Variants in ADGRE3 observed in about 807,000 individuals in gnomAD.
The protein encoded by ADGRE3 is adhesion G protein-coupled receptor E3.
In ADGRE3, 88 loss-of-function variants were observed where a neutral mutation model predicts 80.1. The observed-to-expected ratio is 1.10, with a 90% CI of 0.93 to 1.31. The LOEUF (loss-of-function observed/expected upper bound fraction) is 1.31. Ranked by LOEUF, ADGRE3 falls within the 40% of genes most tolerant of loss-of-function variation. ADGRE3 has a pLI of 0.00. For synonymous variants in ADGRE3, 281 were observed against 294.8 expected (o/e 0.95, Z 0.48); for missense variants, 715 against 776.5 (o/e 0.92, Z 0.94).
At chr19:14,668,692 C>T in intron 2 of ADGRE3, 110 bp downstream of exon 2, 1 of 769,502 alleles carries the variant, frequency 1.3e-6, no homozygotes, top group Non-Finnish European at 2.2e-6. Flanking sequence ...CAAGCCTTCC[C>T]AAATATTGCT....
At chr19:14,630,913 C>A (rs189822394) in intron 13 of ADGRE3, among the ~76,000 whole-genome samples, 2 of 151,076 alleles carry the variant, frequency 1.3e-5, no homozygotes, top group African/African-American at 2.4e-5. Context: ...TTTGTTGAGA[C>A]GGAGTCTCGC....
At position 14,638,334 on chromosome 19, in the gene ADGRE3, ACAG is replaced by A; in HGVS notation, c.1252_1254del (p.Leu418del). On this transcript the variant is annotated inframe_deletion, in exon 11 of 16. Transcript: ENST00000253673. The stretch of plus-strand genomic sequence containing the variant: ...TGCAAAGCACCGGCGATGATGGAGC[ACAG>A]CACCTGGGGGAGGAGAAAGGGATGC... The A allele has an allele frequency of 1.2e-6, 2 of 1,613,814 alleles. No homozygotes were observed. Among genetic ancestry groups the A allele is most frequent in the Non-Finnish European group, 1.7e-6 (2 of 1,179,702 alleles).
chr19:14,625,564 G>A lies in ADGRE3; in HGVS notation c.1848C>T (p.Ile616=), dbSNP rs147270469. 2.9e-5 allele frequency: 47 copies of A among 1,613,506 alleles called. No individual in the cohort carries two copies. Among genetic ancestry groups the A allele is most frequent in the Admixed American group, 2.2e-4 (13 of 59,978 alleles). The change falls in exon 15 of 16, where the codon ATC becomes ATT. Residue 616 remains isoleucine, a synonymous_variant. Coordinates refer to ENST00000253673, the MANE Select transcript of ADGRE3 (RefSeq NM_032571.5). The part of the protein sequence containing the change: ...QKQYQKWFRE[I]VKSKSESETY... ...TCTCAGACTCAGATTTTGATTTTAC[G>A]ATCTCTCTAAACCACTTTTGATATT...
chr19:14,602,659 T>C, the ADGRE3 span, among the ~76,000 whole-genome samples: 1 of 152,126 alleles, frequency 6.6e-6, no homozygotes, highest in Non-Finnish European at 1.5e-5. Flanking sequence ...AGGTCTATCA[T>C]CTTATTATTT....
At chr19:14,642,701 T>C (rs923500499) in intron 9 of ADGRE3, among the ~76,000 whole-genome samples, 2 of 152,342 alleles carry the variant, frequency 1.3e-5, no homozygotes, top group Admixed American at 6.5e-5. Context: ...GTTAGTTTGC[T>C]AAGGATAATG....
chr19:14,614,105 C>T, the ADGRE3 span, among the ~76,000 whole-genome samples: 2 of 152,182 alleles, frequency 1.3e-5, no homozygotes, highest in Non-Finnish European at 2.9e-5. Context: ...CTTCTCACCT[C>T]TGCCCACCTC....
Position 14,640,445 on chromosome 19 carries a change from A to G in ADGRE3, c.1248+974T>C, listed in dbSNP as rs147342884. 2.8e-4 allele frequency among the ~76,000 whole-genome samples: 43 copies of G among 152,188 alleles called. 1 individual carries two copies. The East Asian group carries it at 8.1e-3, about 29-fold the overall frequency. ...GCTGGGATTACAGGTGCTCATCACC[A>G]CGCTGGGCTAATATTTTGTATTTTT... is the stretch of plus-strand genomic sequence containing the variant. On this transcript the variant is annotated intron_variant, in intron 10 of 15. Coordinates refer to ENST00000253673, the MANE Select transcript of ADGRE3 (RefSeq NM_032571.5).
At chr19:14,620,072 C>G (rs1421423303) in intron 15 of ADGRE3, among the ~76,000 whole-genome samples, 2 of 152,254 alleles carry the variant, frequency 1.3e-5, no homozygotes, top group South Asian at 4.1e-4. Flanking sequence ...TTTCCATAGG[C>G]AACATTGCCT....
chr19:14,663,533 A>G lies in ADGRE3; in HGVS notation c.84T>C (p.Cys28=), dbSNP rs1479921507. The change falls in exon 3 of 16, where the codon TGT becomes TGC. Residue 28 remains cysteine (C), a synonymous_variant. Transcript: ENST00000253673. The part of the protein sequence containing the change: ...GAVTQKTKTS[C]AKCPPNASCV... ...AGGAAGCATTTGGGGGGCACTTAGC[A>G]CAGGAAGCTGCAGGGAGAAGAGAGG... The G allele has an allele frequency of 3.1e-6, 5 of 1,612,892 alleles. No homozygotes were observed. Among genetic ancestry groups the G allele is most frequent in the Admixed American group, 3.3e-5 (2 of 59,960 alleles).
chr19:14,616,628 T>C (rs534678744), downstream of ADGRE3, among the ~76,000 whole-genome samples: 5 of 151,746 alleles, frequency 3.3e-5, no homozygotes, highest in Non-Finnish European at 7.4e-5. Flanking sequence ...GCGGTCAAGT[T>C]TGGTAAGACT....
chr19:14,630,993 C>T (rs928993609), intron 13 of ADGRE3, among the ~76,000 whole-genome samples: 1 of 152,016 alleles, frequency 6.6e-6, no homozygotes, highest in African/African-American at 2.4e-5. Context: ...CCAGCCTCAG[C>T]CTCCCGAGTA....
At chr19:14,636,051 TC>T (rs1971040164) in intron 11 of ADGRE3, among the ~76,000 whole-genome samples, 1 of 58,004 alleles carries the variant, frequency 1.7e-5, no homozygotes, top group Non-Finnish European at 4.2e-5. Context: ...CTTCCTTCCT[TC>T]CTTCCTTCCT....
intron 15 of ADGRE3, among the ~76,000 whole-genome samples, chr19:14,624,116 C>G (rs1970671953): frequency 7.6e-6 from 1 of 132,018 alleles, no homozygotes; most frequent in Admixed American, 8.0e-5. Flanking sequence ...TTTTTTGAGA[C>G]AGGGTTTCGC....
intron 2 of ADGRE3, among the ~76,000 whole-genome samples, chr19:14,665,279 G>T (rs1489327908): frequency 6.6e-6 from 1 of 151,610 alleles, no homozygotes; most frequent in Non-Finnish European, 1.5e-5. Flanking sequence ...TAGCCAGGTT[G>T]GTCTTGATCT....
intron 15 of ADGRE3, among the ~76,000 whole-genome samples, 199 bp downstream of exon 15, chr19:14,625,293 A>G (rs1970706874): frequency 6.6e-6 from 1 of 152,158 alleles, no homozygotes; most frequent in South Asian, 2.1e-4. Context: ...GCTGGGCTTA[A>G]TACCTAGGTA....
intron 6 of ADGRE3, among the ~76,000 whole-genome samples, chr19:14,653,685 A>G (rs1971668055): frequency 6.6e-6 from 1 of 151,616 alleles, no homozygotes; most frequent in Non-Finnish European, 1.5e-5. Context: ...CGATCCTCCC[A>G]CCTCAGCCTC....
At chr19:14,617,341 CCTTTCTTTCTTT>C (rs1555752261), downstream of ADGRE3, among the ~76,000 whole-genome samples, 613 of 57,248 alleles carry the variant, frequency 0.011, 9 homozygotes, top group African/African-American at 0.033. Flanking sequence ...TCCCTCCCTC[CCTTTCTTTCTTT>C]CTTTCTTTCT....
chr19:14,653,555 C>T (rs1971664268), intron 6 of ADGRE3, among the ~76,000 whole-genome samples: 1 of 151,522 alleles, frequency 6.6e-6, no homozygotes, highest in South Asian at 2.1e-4. Context: ...AGGTGCATTA[C>T]ATGCACTTTC....
chr19:14,646,102 G>C (rs1282087532), intron 8 of ADGRE3, among the ~76,000 whole-genome samples: 1 of 152,090 alleles, frequency 6.6e-6, no homozygotes, highest in Non-Finnish European at 1.5e-5. Context: ...TTATCAAGGA[G>C]ATATTTTACA....
Sources: gnomAD v4.1 joint callset for allele counts (sites outside exome capture counted in the v4.1 genomes callset) on GRCh38, gnomAD v4.1.1 for gene constraint, MANE v1.5 for transcripts, NCBI Gene and HGNC (gene_info 2026-07-23, HGNC 2026-07-21) for gene names.